Variants in ST3GAL6 observed in about 807,000 individuals in gnomAD.
The protein encoded by ST3GAL6 is ST3 beta-galactoside alpha-2,3-sialyltransferase 6.
A neutral mutation model predicts 40.5 loss-of-function variants in ST3GAL6; 31 were observed. That is an observed-to-expected ratio of 0.77 (90% CI 0.58 to 1.03). ST3GAL6 has a LOEUF of 1.03. Ranked by LOEUF, ST3GAL6 falls within the 50% of genes least tolerant of loss-of-function variation. ST3GAL6 has a pLI of 0.00. For missense variants in ST3GAL6, 357 were observed against 393.2 expected, an observed-to-expected ratio of 0.91 and a Z score of 0.78; for synonymous variants, 129 against 136.9, an observed-to-expected ratio of 0.94 and a Z score of 0.40.
intron 2 of ST3GAL6, among the ~76,000 whole-genome samples, chr3:98,769,695 A>G (rs142827257): frequency 3.7e-4 from 57 of 152,344 alleles, no homozygotes; most frequent in African/African-American, 1.3e-3. Context: ...GTACCTTGGG[A>G]TATTAGCTCA....
rs529657383 is a variant in ST3GAL6 at position 98,743,220 on chromosome 3, A to G, written c.-12+10688A>G. Among the ~76,000 whole-genome samples the G allele has an allele frequency of 8.6e-5, 13 of 150,910 alleles. 1 individual carries two copies. The highest frequency in any genetic ancestry group is 4.6e-4 in the Admixed American group (7 of 15,170). ...TTTTTCCTGGAGATGGGGTTTCACC[A>G]TGTTGCCCAGGCTGTTCTCCAACTC... On this transcript the variant is annotated intron_variant, in intron 1 of 9. Transcript: ENST00000265261.
At chr3:98,783,672 C>T in intron 5 of ST3GAL6, 1 of 985,402 alleles carries the variant, frequency 1.0e-6, no homozygotes, top group Non-Finnish European at 1.2e-6. Context: ...AGGTTTCAGG[C>T]ACACACTGAA....
At chr3:98,781,340 C>G (rs1940097737) in intron 5 of ST3GAL6, among the ~76,000 whole-genome samples, 1 of 151,808 alleles carries the variant, frequency 6.6e-6, no homozygotes. Context: ...GGGTTGGGGG[C>G]TAGGGGAGGG....
chr3:98,787,013 A>AT (rs1369870754), intron 6 of ST3GAL6, among the ~76,000 whole-genome samples: 129 of 150,936 alleles, frequency 8.5e-4, no homozygotes, highest in African/African-American at 2.8e-3. Flanking sequence ...AGTTTAAAGA[A>AT]TGGCAAAGTT....
At chr3:98,739,266 C>A (rs1396244267) in intron 1 of ST3GAL6, among the ~76,000 whole-genome samples, 2 of 152,024 alleles carry the variant, frequency 1.3e-5, no homozygotes, top group Non-Finnish European at 2.9e-5. Context: ...AAATTAACAA[C>A]CTAACATCAC....
chr3:98,783,129 G>T, intron 5 of ST3GAL6: 1 of 191,094 alleles, frequency 5.2e-6, no homozygotes, highest in Non-Finnish European at 1.1e-5. Context: ...CTACTGTGAA[G>T]AGCATGCCCA....
intron 1 of ST3GAL6, among the ~76,000 whole-genome samples, chr3:98,766,295 C>T (rs896087800): frequency 1.3e-5 from 2 of 151,520 alleles, no homozygotes; most frequent in East Asian, 3.9e-4. Context: ...CTTGTAAATA[C>T]TGACTTCTTT....
intron 1 of ST3GAL6, among the ~76,000 whole-genome samples, chr3:98,757,882 C>A (rs1197651766): frequency 6.6e-6 from 1 of 151,380 alleles, no homozygotes; most frequent in Non-Finnish European, 1.5e-5. Flanking sequence ...GTTGCCCAGG[C>A]TGGAGTGCAG....
chr3:98,750,726 G>C (rs1936946288), intron 1 of ST3GAL6, among the ~76,000 whole-genome samples: 1 of 152,118 alleles, frequency 6.6e-6, no homozygotes, highest in Non-Finnish European at 1.5e-5. Flanking sequence ...CTGCCAAATG[G>C]ACTTTAGAAC....
intron 5 of ST3GAL6, among the ~76,000 whole-genome samples, chr3:98,778,664 A>C (rs992208341): frequency 1.3e-5 from 2 of 152,230 alleles, no homozygotes; most frequent in African/African-American, 4.8e-5. Flanking sequence ...GTAACATACA[A>C]GACCTAAGTG....
At chr3:98,748,393 G>A (rs1032294008) in intron 1 of ST3GAL6, among the ~76,000 whole-genome samples, 1 of 152,192 alleles carries the variant, frequency 6.6e-6, no homozygotes, top group African/African-American at 2.4e-5. Flanking sequence ...GGGATTATAT[G>A]AGTTTGTGCC....
At chr3:98,792,262 A>G (rs143888299) in intron 9 of ST3GAL6, among the ~76,000 whole-genome samples, 265 of 152,304 alleles carry the variant, frequency 1.7e-3, no homozygotes, top group Admixed American at 6.5e-3. Context: ...CTTACTTTAG[A>G]TATTATATTT....
upstream of ST3GAL6, chr3:98,762,691 T>C (rs557348931): frequency 9.4e-6 from 6 of 637,794 alleles, no homozygotes; most frequent in African/African-American, 9.9e-5. Context: ...AAAGATATTA[T>C]TAAATGATTA....
At chr3:98,775,474 CAA>C (rs34588217) in intron 5 of ST3GAL6, among the ~76,000 whole-genome samples, 12 of 125,016 alleles carry the variant, frequency 9.6e-5, no homozygotes, top group Admixed American at 1.6e-4. Context: ...GACTTCGTCT[CAA>C]AAAAAAAAAA....
At chr3:98,739,399 C>A (rs1014015532) in intron 1 of ST3GAL6, among the ~76,000 whole-genome samples, 23 of 145,706 alleles carry the variant, frequency 1.6e-4, no homozygotes, top group South Asian at 6.5e-4. Context: ...AAAAAAAAAA[C>A]CCCAAAAAAA....
intron 1 of ST3GAL6, among the ~76,000 whole-genome samples, chr3:98,766,897 TG>T (rs915718198): frequency 3.3e-5 from 5 of 152,186 alleles, no homozygotes; most frequent in Non-Finnish European, 7.3e-5. Context: ...AGAGGTAGAC[TG>T]ATTTACCTTA....
At chr3:98,777,115 G>T (rs549655421) in intron 5 of ST3GAL6, among the ~76,000 whole-genome samples, 1 of 152,126 alleles carries the variant, frequency 6.6e-6, no homozygotes, top group Non-Finnish European at 1.5e-5. Flanking sequence ...GAGTTCCACC[G>T]ATCACGCCTA....
chr3:98,781,345 G>A (rs1482664933), intron 5 of ST3GAL6, among the ~76,000 whole-genome samples: 1 of 152,078 alleles, frequency 6.6e-6, no homozygotes, highest in Non-Finnish European at 1.5e-5. Flanking sequence ...GGGGGCTAGG[G>A]GAGGGATAGC....
At chr3:98,745,111 G>A (rs930084482) in intron 1 of ST3GAL6, among the ~76,000 whole-genome samples, 8 of 151,906 alleles carry the variant, frequency 5.3e-5, no homozygotes, top group African/African-American at 1.7e-4. Flanking sequence ...TCAGCTCACT[G>A]CAACCTCTGC....
Sources: gnomAD v4.1 joint callset for allele counts (sites outside exome capture counted in the v4.1 genomes callset) on GRCh38, gnomAD v4.1.1 for gene constraint, MANE v1.5 for transcripts, NCBI Gene and HGNC (gene_info 2026-07-23, HGNC 2026-07-21) for gene names.